The following PANK4 variants were observed in gnomAD, a reference collection of about 807,000 sequenced individuals.
PANK4 encodes pantothenate kinase 4 (inactive), also known as 4'-phosphopantetheine phosphatase.
In PANK4, 40 loss-of-function variants were observed where a neutral mutation model predicts 87.9. That is an observed-to-expected ratio of 0.46 (90% CI 0.35 to 0.59). PANK4 has a LOEUF of 0.59. Among genes scored for constraint, PANK4 ranks in the 20% least tolerant of loss-of-function variants. The pLI is 0.00. For synonymous variants in PANK4, 524 were observed against 467.4 expected, an observed-to-expected ratio of 1.12 and a Z score of -1.56; for missense variants, 926 against 1,072.3, an observed-to-expected ratio of 0.86 and a Z score of 1.90.
At chr1:2,521,466 A>C (rs1643874747) in intron 2 of PANK4, 151 bp from the exon 3 acceptor site, 1 of 754,722 alleles carries the variant, frequency 1.3e-6, no homozygotes, top group Non-Finnish European at 2.3e-6. Flanking sequence ...GGAGGAGCCT[A>C]GGACCGTGGC....
intron 7 of PANK4, 83 bp from the exon 8 acceptor site, chr1:2,518,680 C>G: frequency 5.0e-6 from 6 of 1,193,174 alleles, no homozygotes; most frequent in Non-Finnish European, 6.1e-6. Context: ...GTGCGCGGGC[C>G]TCGCACCGCG....
In PANK4 at chr1:2,510,295, A is replaced by G; in HGVS notation, c.1939-138T>C. ...CCTGGCCAGCCACCTGCTGCTGAGG[A>G]GCAGGGACCTCGCCTGACCTTGCCA... is the stretch of plus-strand genomic sequence containing the variant. On this transcript the variant is annotated intron_variant, in intron 16 of 18. Transcript: ENST00000378466. The surrounding 1 kb of genome is among the most constrained non-coding windows in gnomAD (Gnocchi z 4.9). The G allele has an allele frequency of 5.9e-6, 4 of 672,516 alleles. No individual in the cohort carries two copies. In the Admixed American group the frequency reaches 8.5e-5, roughly 14 times the overall value. 41.7% of individuals were successfully genotyped at this position (672,516 alleles called of 1,614,324 possible). A position where few individuals can be genotyped will look rare whatever the true frequency, so the allele number is the denominator to read the frequency against.
chr1:2,520,733 G>A lies in PANK4; in HGVS notation c.596C>T (p.Ser199Phe). 1.2e-6 allele frequency: 2 copies of A among 1,612,710 alleles called. No homozygotes were observed. Among genetic ancestry groups the A allele is most frequent in the Non-Finnish European group, 8.5e-7 (1 of 1,179,624 alleles). ...GAAGCCGGGTCTTACCTTCACGATG[G>A]AGACTCCAGAGCCGATATTGACAAG... ...YLLVNIGSGV[S>F]IVKVETEDRF... is the part of the protein sequence containing the mutation. The change falls in exon 4 of 19, where the codon TCC becomes TTC. Residue 199 changes from serine to phenylalanine, a missense_variant. By Grantham distance (155) the Ser-to-Phe change is radical. Coordinates refer to ENST00000378466, the MANE Select transcript of PANK4 (RefSeq NM_018216.4). This position sits in a 1 kb window ranked among gnomAD's most constrained non-coding sequence, Gnocchi z 6.2.
At chr1:2,518,493 G>C in intron 8 of PANK4, 23 bp downstream of exon 8, 2 of 1,545,532 alleles carry the variant, frequency 1.3e-6, no homozygotes, top group Non-Finnish European at 1.8e-6. Flanking sequence ...ACGCTGCTCA[G>C]GGGCGCCAGC....
chr1:2,513,088 C>A (rs371088748), intron 12 of PANK4, 49 bp from the exon 13 acceptor site: 1 of 1,536,792 alleles, frequency 6.5e-7, no homozygotes, highest in African/African-American at 1.4e-5. Flanking sequence ...TGGCCTCAGC[C>A]CACCCTGGAC....
At position 2,519,258 on chromosome 1, in the gene PANK4, G is replaced by A; in HGVS notation, c.920C>T (p.Ala307Val). Residue 307 changes from alanine (A) to valine (V), a missense_variant, in exon 7 of 19, where the codon GCC (alanine) becomes GTC (valine). Physicochemically the swap from Ala to Val is moderately conservative, Grantham distance 64. Coordinates refer to ENST00000378466, the MANE Select transcript of PANK4 (RefSeq NM_018216.4). This position sits in a 1 kb window ranked among gnomAD's most constrained non-coding sequence, Gnocchi z 8.3. ...HMISNDIGQL[A>V]CLHARLHSLD... ...GCTGTGCAGCCGTGCGTGGAGGCAG[G>A]CCAGCTGCCCAATGTCGTTGCTGAT... 1 of 1,612,468 alleles carries A rather than the reference G, an allele frequency of 6.2e-7. No homozygotes were observed. Among genetic ancestry groups the A allele is most frequent in the Non-Finnish European group, 8.5e-7 (1 of 1,179,646 alleles).
rs772367801 is a variant in PANK4, at chr1:2,515,552, G to A, written c.1374+10C>T. ...CTTGGAATCGTCTAGACGGCACCCG[G>A]AGCCCTCACCCCGTCCAGGGCCTCC... On this transcript the variant is annotated intron_variant, in intron 10 of 18. Coordinates refer to ENST00000378466, the MANE Select transcript of PANK4 (RefSeq NM_018216.4). This position sits in a 1 kb window ranked among gnomAD's most constrained non-coding sequence, Gnocchi z 5.0. The A allele has an allele frequency of 6.2e-6, 10 of 1,611,894 alleles. No homozygotes were observed. In the Admixed American group the frequency reaches 1.5e-4, roughly 24 times the overall value.
In PANK4 at chr1:2,508,894, C is replaced by A; in HGVS notation, c.2275G>T (p.Gly759Cys). 6.2e-7 allele frequency: 1 copy of A among 1,608,534 alleles called. No individual in the cohort carries two copies. Among genetic ancestry groups the A allele is most frequent in the Non-Finnish European group, 8.5e-7 (1 of 1,177,934 alleles). Residue 759 changes from glycine (G) to cysteine (C), a missense_variant, in exon 19 of 19, where the codon GGC (glycine) becomes TGC (cysteine). Coordinates refer to ENST00000378466, the MANE Select transcript of PANK4 (RefSeq NM_018216.4). The surrounding 1 kb of genome is among the most constrained non-coding windows in gnomAD (Gnocchi z 5.1). ...TTGAAGATGACGCTGAAGAGCCGGC[C>A]GCCCAGCCGCTCGGCCAGCCACGCG... is the stretch of plus-strand genomic sequence containing the variant. ...KNAWLAERLG[G>C]RLFSVIFKYE... is the part of the protein sequence containing the mutation.
chr1:2,512,174 T>C (rs1643672647), intron 13 of PANK4, among the ~76,000 whole-genome samples: 1 of 152,010 alleles, frequency 6.6e-6, no homozygotes, highest in Non-Finnish European at 1.5e-5. Flanking sequence ...GCCAATCCCA[T>C]GGGTCAGGAC....
intron 9 of PANK4, among the ~76,000 whole-genome samples, chr1:2,517,078 T>G (rs1249547300): frequency 6.6e-6 from 1 of 152,126 alleles, no homozygotes; most frequent in African/African-American, 2.4e-5. Context: ...TTTGGCAAAT[T>G]ATGCACACTT....
At chr1:2,511,289 G>C (rs759142952) in intron 15 of PANK4, 49 bp downstream of exon 15, 23 of 1,380,222 alleles carry the variant, frequency 1.7e-5, no homozygotes, top group Non-Finnish European at 2.4e-5. Context: ...CCACCCCCCC[G>C]GGCCCCGCTG....
At chr1:2,523,442 G>C (rs928067660) in intron 1 of PANK4, among the ~76,000 whole-genome samples, 1 of 152,208 alleles carries the variant, frequency 6.6e-6, no homozygotes, top group Non-Finnish European at 1.5e-5. Context: ...TAAAACGACA[G>C]ATGATGCAAG....
At chr1:2,522,763 G>GCGACT (rs1643885940) in intron 1 of PANK4, among the ~76,000 whole-genome samples, 1 of 151,218 alleles carries the variant, frequency 6.6e-6, no homozygotes, top group Non-Finnish European at 1.5e-5. Context: ...GTGTGTTATA[G>GCGACT]TAACTTAACG....
chr1:2,511,515 C>A, intron 14 of PANK4, 113 bp downstream of exon 14: 1 of 1,076,402 alleles, frequency 9.3e-7, no homozygotes, highest in Non-Finnish European at 1.4e-6. Flanking sequence ...CTGACAGAGC[C>A]TTGAGCAGGG....
In PANK4 at chr1:2,515,491, GCC is replaced by G; in HGVS notation, c.1374+69_1374+70del. On this transcript the variant is annotated intron_variant, in intron 10 of 18. Coordinates refer to ENST00000378466, the MANE Select transcript of PANK4 (RefSeq NM_018216.4). The surrounding 1 kb of genome is among the most constrained non-coding windows in gnomAD (Gnocchi z 5.0). ...TGTCCCCCTTCGCCACCTTGGCTTT[GCC>G]CCCGGAGCCTTGGAAGGTTAACCCG... The G allele has an allele frequency of 6.5e-7, 1 of 1,527,610 alleles. No homozygotes were observed. The highest frequency in any genetic ancestry group is 9.1e-7 in the Non-Finnish European group (1 of 1,104,394). The allele number at this position is 1,527,610 out of a possible 1,614,324, so 94.6% of individuals were successfully genotyped here.
At chr1:2,518,386 T>C (rs1643823343) in intron 8 of PANK4, 122 bp from the exon 9 acceptor site, 1 of 967,944 alleles carries the variant, frequency 1.0e-6, no homozygotes, top group African/African-American at 1.6e-5. Flanking sequence ...TAGACATGCC[T>C]GCTGCTGTCA....
rs1643870021 is a variant in PANK4 at position 2,520,961 on chromosome 1, A to G, written c.423-55T>C. 3 of 1,532,590 alleles carry G rather than the reference A, an allele frequency of 2.0e-6. No homozygotes were observed. The highest frequency in any genetic ancestry group is 2.6e-6 in the Non-Finnish European group (3 of 1,133,946). 94.9% of individuals were successfully genotyped at this position (1,532,590 alleles called of 1,614,324 possible). A position where few individuals can be genotyped will look rare whatever the true frequency, so the allele number is the denominator to read the frequency against. ...GTCTGGGCCACAGACAGGTGCAACC[A>G]TGCAAGCCTGCCTGGTCCGAAGGGG... On this transcript the variant is annotated intron_variant, in intron 3 of 18. Transcript: ENST00000378466. This position sits in a 1 kb window ranked among gnomAD's most constrained non-coding sequence, Gnocchi z 6.2.
In PANK4 at chr1:2,520,342, C is replaced by A. The variant is rs746764869; in HGVS notation, c.679G>T (p.Ala227Ser). The change falls in exon 5 of 19, where the codon GCT becomes TCT. Residue 227 changes from alanine (A) to serine (S), a missense_variant. By Grantham distance (99) the Ala-to-Ser change is moderately conservative. Coordinates refer to ENST00000378466, the MANE Select transcript of PANK4 (RefSeq NM_018216.4). This position sits in a 1 kb window ranked among gnomAD's most constrained non-coding sequence, Gnocchi z 6.2. Reference protein sequence around the residue: ...IGGGTFWGLGALLTKTKKFDE... With the variant: ...IGGGTFWGLGSLLTKTKKFDE... Reference sequence around the variant, plus strand: ...CATACCTTCGTTTTGGTGAGCAGAGCGCCAAGCCCCCAGAAGGTGCCGCCT... The same window carrying A: ...CATACCTTCGTTTTGGTGAGCAGAGAGCCAAGCCCCCAGAAGGTGCCGCCT... 1 of 1,612,888 alleles carries A rather than the reference C, an allele frequency of 6.2e-7. No homozygotes were observed. Among genetic ancestry groups the A allele is most frequent in the East Asian group, 2.2e-5 (1 of 44,876 alleles).
chr1:2,525,206 A>G (rs1304493559), intron 1 of PANK4, among the ~76,000 whole-genome samples: 1 of 152,170 alleles, frequency 6.6e-6, no homozygotes, highest in African/African-American at 2.4e-5. Context: ...CAGATGCACC[A>G]GGAGCACACA....
Sources: gnomAD v4.1 joint callset for allele counts (sites outside exome capture counted in the v4.1 genomes callset) on GRCh38, gnomAD v4.1.1 for gene constraint, Gnocchi (gnomAD v3.1) non-coding constraint, MANE v1.5 for transcripts, NCBI Gene and HGNC (gene_info 2026-07-23, HGNC 2026-07-21) for gene names.